PTPRT: variants seen among roughly 807,000 people sequenced by gnomAD.
PTPRT encodes receptor-type tyrosine-protein phosphatase T.
A neutral mutation model predicts 176.8 loss-of-function variants in PTPRT; 56 were observed. The ratio of observed to expected loss-of-function variants is 0.32; its 90% confidence interval spans 0.26 to 0.40. PTPRT has a LOEUF of 0.40. Among genes scored for constraint, PTPRT ranks in the 10% least tolerant of loss-of-function variants. The pLI is 1.00. For missense variants in PTPRT, 1,540 were observed against 1,908.2 expected, an observed-to-expected ratio of 0.81 and a Z score of 3.60; for synonymous variants, 783 against 739.0, an observed-to-expected ratio of 1.06 and a Z score of -0.96.
At chr20:42,516,862 G>T (rs575354896) in intron 7 of PTPRT, among the ~76,000 whole-genome samples, 77 of 152,200 alleles carry the variant, frequency 5.1e-4, no homozygotes, top group African/African-American at 1.8e-3. Flanking sequence ...TACATAATAA[G>T]CTAGCATTCT....
intron 1 of PTPRT, among the ~76,000 whole-genome samples, chr20:43,168,371 T>G (rs1414125048): frequency 5.9e-5 from 9 of 152,114 alleles, no homozygotes; most frequent in Admixed American, 2.0e-4. Context: ...TTGCCTCACA[T>G]CAGGAATGCA....
At chr20:42,335,057 T>C (rs2058021329) in intron 11 of PTPRT, among the ~76,000 whole-genome samples, 2 of 152,102 alleles carry the variant, frequency 1.3e-5, no homozygotes, top group Non-Finnish European at 2.9e-5. Flanking sequence ...GTACCACATG[T>C]GATGAGATAA....
At chr20:42,646,881 C>CATTTTTTTTTT (rs2074914349) in intron 7 of PTPRT, among the ~76,000 whole-genome samples, 1 of 115,144 alleles carries the variant, frequency 8.7e-6, no homozygotes, top group African/African-American at 5.7e-5. Context: ...CCTAAGACAG[C>CATTTTTTTTTT]CTTTTTTTTT....
chr20:42,754,266 A>G (rs767741940), intron 6 of PTPRT, among the ~76,000 whole-genome samples: 8 of 151,836 alleles, frequency 5.3e-5, no homozygotes, highest in African/African-American at 9.7e-5. Context: ...GCTCACCACA[A>G]CCTCCGTCTC....
intron 9 of PTPRT, among the ~76,000 whole-genome samples, chr20:42,407,039 C>T (rs2058967289): frequency 6.6e-6 from 1 of 152,146 alleles, no homozygotes. Context: ...AGGGGTGAAG[C>T]TTGTGATCTA....
chr20:43,064,719 A>G (rs1056490336), intron 1 of PTPRT, among the ~76,000 whole-genome samples: 3 of 152,196 alleles, frequency 2.0e-5, no homozygotes, highest in Non-Finnish European at 2.9e-5. Context: ...TCAAGGAGGA[A>G]GCCCACATGT....
Position 43,058,936 on chromosome 20 carries a change from G to GA in PTPRT, c.88+130709dup, listed in dbSNP as rs781658511. On this transcript the variant is annotated intron_variant, in intron 1 of 30. Transcript: ENST00000373187. ...GGGCCCACTGGAGACCACCTCGGGT[G>GA]ACCAATGAGTATAGCATCAGAGTGT... Among the ~76,000 whole-genome samples the GA allele has an allele frequency of 2.6e-5, 4 of 152,294 alleles. No individual in the cohort carries two copies. In the East Asian group the frequency reaches 7.7e-4, roughly 29 times the overall value.
chr20:42,209,605 T>C (rs1163530623), intron 15 of PTPRT, among the ~76,000 whole-genome samples: 1 of 151,826 alleles, frequency 6.6e-6, no homozygotes, highest in African/African-American at 2.4e-5. Flanking sequence ...AGGAAGAAGT[T>C]GAATCTCTGA....
intron 27 of PTPRT, among the ~76,000 whole-genome samples, chr20:42,096,338 C>T (rs1489429230): frequency 2.6e-5 from 4 of 151,924 alleles, no homozygotes; most frequent in African/African-American, 9.7e-5. Flanking sequence ...TGTGGTTGCT[C>T]ACGCCTGTAA....
intron 6 of PTPRT, among the ~76,000 whole-genome samples, chr20:42,745,079 A>T (rs1446768679): frequency 2.0e-5 from 3 of 152,170 alleles, no homozygotes; most frequent in Non-Finnish European, 4.4e-5. Flanking sequence ...CTTTTGCTGT[A>T]TTTCCCTGGA....
chr20:42,726,067 T>C (rs2076375525), intron 6 of PTPRT, among the ~76,000 whole-genome samples: 1 of 120,068 alleles, frequency 8.3e-6, no homozygotes, highest in South Asian at 2.7e-4. Flanking sequence ...TTTATTATTA[T>C]TATTATTATT....
chr20:42,952,157 ACTAG>A (rs1981295380), intron 1 of PTPRT, among the ~76,000 whole-genome samples: 1 of 152,192 alleles, frequency 6.6e-6, no homozygotes, highest in Admixed American at 6.5e-5. Flanking sequence ...CAAGGACGCA[ACTAG>A]CTGTGTGCCA....
intron 14 of PTPRT, among the ~76,000 whole-genome samples, chr20:42,248,015 A>G (rs561598134): frequency 1.3e-5 from 2 of 152,332 alleles, no homozygotes; most frequent in Non-Finnish European, 2.9e-5. Flanking sequence ...ATCTGTGTGC[A>G]TGCTTTCGTG....
chr20:43,077,223 C>T (rs1290993676), intron 1 of PTPRT, among the ~76,000 whole-genome samples: 2 of 152,204 alleles, frequency 1.3e-5, no homozygotes, highest in African/African-American at 4.8e-5. Flanking sequence ...ACTGCATAAT[C>T]TCCTAAGGGT....
At chr20:43,156,257 T>C (rs969271244) in intron 1 of PTPRT, among the ~76,000 whole-genome samples, 7 of 152,212 alleles carry the variant, frequency 4.6e-5, no homozygotes, top group African/African-American at 1.7e-4. Context: ...CATGGAGGCT[T>C]GTCCATAACA....
At chr20:42,687,648 C>T (rs3092338) in intron 6 of PTPRT, 5,786 of 152,290 alleles carry the variant, frequency 0.038, 405 homozygotes, top group African/African-American at 0.13. Flanking sequence ...AAAGGCCATG[C>T]TTCAGGAGCA....
At chr20:42,592,405 C>T (rs937931456) in intron 7 of PTPRT, among the ~76,000 whole-genome samples, 1 of 152,146 alleles carries the variant, frequency 6.6e-6, no homozygotes, top group Admixed American at 6.5e-5. Flanking sequence ...GAACAGAACA[C>T]ATTACCAAAG....
chr20:42,405,848 G>T lies in PTPRT; in HGVS notation c.1560+42372C>A, dbSNP rs564909024. ...TTCCTATTTCTCCACATCCTCTCCAGCGCCTGTTGTTTCCTGACTTTTTAA... is the reference window on the plus strand; with the variant it reads ...TTCCTATTTCTCCACATCCTCTCCATCGCCTGTTGTTTCCTGACTTTTTAA... On this transcript the variant is annotated intron_variant, in intron 9 of 30. Coordinates refer to ENST00000373187, the MANE Select transcript of PTPRT (RefSeq NM_007050.6). Among the ~76,000 whole-genome samples, 7 of 152,220 alleles carry T rather than the reference G, an allele frequency of 4.6e-5. No individual in the cohort carries two copies. The South Asian group carries it at 1.2e-3, about 27-fold the overall frequency.
intron 7 of PTPRT, among the ~76,000 whole-genome samples, chr20:42,614,596 T>C (rs2867488): frequency 0.21 from 31,954 of 151,936 alleles, 4,590 homozygotes; most frequent in African/African-American, 0.41. Flanking sequence ...GCTCCTCTAT[T>C]CCCTCAACTT....
Sources: gnomAD v4.1 joint callset for allele counts (sites outside exome capture counted in the v4.1 genomes callset) on GRCh38, gnomAD v4.1.1 for gene constraint, MANE v1.5 for transcripts, NCBI Gene and HGNC (gene_info 2026-07-23, HGNC 2026-07-21) for gene names.